FREM3: variants seen among roughly 807,000 people sequenced by gnomAD.
The protein encoded by FREM3 is FRAS1 related extracellular matrix 3.
A neutral mutation model predicts 129.1 loss-of-function variants in FREM3; 105 were observed. That is an observed-to-expected ratio of 0.81 (90% CI 0.69 to 0.96). The LOEUF (loss-of-function observed/expected upper bound fraction) is 0.96, where lower values mean the gene tolerates loss of function less well. Ranked by LOEUF, FREM3 falls within the 40% of genes least tolerant of loss-of-function variation. FREM3 has a pLI of 0.00. For synonymous variants in FREM3, 1,014 were observed against 1,044.9 expected (o/e 0.97, Z 0.57); for missense variants, 2,593 against 2,666.3 (o/e 0.97, Z 0.61).
chr4:143,628,082 C>G (rs1739075889), intron 2 of FREM3, among the ~76,000 whole-genome samples: 1 of 152,036 alleles, frequency 6.6e-6, no homozygotes. Context: ...CTATCGTTTC[C>G]TCCCTGCCTG....
chr4:143,692,748 G>T (rs2149862863), intron 2 of FREM3, among the ~76,000 whole-genome samples: 1 of 152,262 alleles, frequency 6.6e-6, no homozygotes, highest in South Asian at 2.1e-4. Flanking sequence ...AAAATCTGAA[G>T]ATGTATTTTC....
intron 2 of FREM3, among the ~76,000 whole-genome samples, chr4:143,653,670 A>G (rs1261278241): frequency 6.6e-6 from 1 of 152,224 alleles, no homozygotes; most frequent in Non-Finnish European, 1.5e-5. Flanking sequence ...AGAAGTGTAC[A>G]TGGGGCTTAT....
intron 2 of FREM3, among the ~76,000 whole-genome samples, chr4:143,670,643 A>G (rs190844457): frequency 6.6e-5 from 10 of 152,302 alleles, no homozygotes; most frequent in Admixed American, 6.5e-4. Flanking sequence ...ATGAAAGGCA[A>G]GAAATACACA....
Position 143,652,413 on chromosome 4 carries a change from C to T in FREM3, c.5276-24653G>A, listed in dbSNP as rs1473484043. 5.0e-5 allele frequency among the ~76,000 whole-genome samples: 2 copies of T among 39,904 alleles called. 1 individual carries two copies. The highest frequency in any genetic ancestry group is 1.6e-4 in the Non-Finnish European group (2 of 12,762). 26.2% of individuals were successfully genotyped at this position (39,904 alleles called of 152,430 possible). ...TCCTGACCTCATGATCCACCCGCCT[C>T]GGCCTCCCAAAGTGCTGGGATTACA... On this transcript the variant is annotated intron_variant, in intron 2 of 7. Transcript: ENST00000329798.
intron 6 of FREM3, among the ~76,000 whole-genome samples, chr4:143,594,154 T>C (rs1578826304): frequency 1.3e-5 from 2 of 152,204 alleles, no homozygotes; most frequent in Non-Finnish European, 2.9e-5. Context: ...GGAAAGGGAA[T>C]TCCCTGATCT....
intron 6 of FREM3, among the ~76,000 whole-genome samples, chr4:143,601,021 C>G (rs1224928887): frequency 1.4e-5 from 2 of 147,380 alleles, no homozygotes; most frequent in Admixed American, 6.8e-5. Flanking sequence ...CTTTCGTTAA[C>G]TTTAAACTAA....
chr4:143,625,656 A>G (rs1431536191), intron 3 of FREM3, among the ~76,000 whole-genome samples: 21 of 152,336 alleles, frequency 1.4e-4, no homozygotes, highest in East Asian at 5.8e-4. Flanking sequence ...TGGAGCTGCT[A>G]TAGGAATGAA....
At chr4:143,625,376 G>GC (rs933165590) in intron 3 of FREM3, among the ~76,000 whole-genome samples, 53 of 152,208 alleles carry the variant, frequency 3.5e-4, no homozygotes, top group Non-Finnish European at 6.8e-4. Flanking sequence ...AAGATTAATA[G>GC]CCCCCCCATG....
chr4:143,627,859 A>G, intron 2 of FREM3, 99 bp from the exon 3 acceptor site: 1 of 735,688 alleles, frequency 1.4e-6, no homozygotes, highest in Non-Finnish European at 2.2e-6. Flanking sequence ...AAGGGTTTCA[A>G]AACATACTCG....
intron 6 of FREM3, among the ~76,000 whole-genome samples, chr4:143,592,802 G>A (rs932484013): frequency 6.6e-6 from 1 of 152,188 alleles, no homozygotes; most frequent in Non-Finnish European, 1.5e-5. Flanking sequence ...CTAGATTGGG[G>A]AAGTTCTCCT....
intron 2 of FREM3, among the ~76,000 whole-genome samples, chr4:143,684,173 G>C (rs1740311914): frequency 6.6e-6 from 1 of 152,138 alleles, no homozygotes. Flanking sequence ...TCTCTGGAAA[G>C]TGTGACCTCC....
intron 6 of FREM3, among the ~76,000 whole-genome samples, chr4:143,590,314 C>G (rs528993259): frequency 6.6e-6 from 1 of 152,288 alleles, no homozygotes; most frequent in South Asian, 2.1e-4. Context: ...CTGTCTTGTG[C>G]CAGTTTTCAA....
intron 2 of FREM3, among the ~76,000 whole-genome samples, chr4:143,655,673 C>T (rs112556883): frequency 3.3e-5 from 5 of 152,214 alleles, no homozygotes; most frequent in African/African-American, 7.2e-5. Flanking sequence ...ATTTTGAATT[C>T]GTATCAAAAA....
At chr4:143,685,216 G>A (rs1431238503) in intron 2 of FREM3, among the ~76,000 whole-genome samples, 2 of 151,914 alleles carry the variant, frequency 1.3e-5, no homozygotes, top group Non-Finnish European at 2.9e-5. Flanking sequence ...TTATCCAAAG[G>A]TGAAGGAAAT....
chr4:143,660,674 C>G (rs1287369490), intron 2 of FREM3, among the ~76,000 whole-genome samples: 1 of 152,050 alleles, frequency 6.6e-6, no homozygotes, highest in Non-Finnish European at 1.5e-5. Context: ...TTACCTTGGG[C>G]AGTATGGCCA....
At chr4:143,678,619 T>G (rs911144424) in intron 2 of FREM3, among the ~76,000 whole-genome samples, 1 of 151,982 alleles carries the variant, frequency 6.6e-6, no homozygotes, top group Non-Finnish European at 1.5e-5. Flanking sequence ...TGCCAGAATG[T>G]TTTAGAGATT....
intron 2 of FREM3, among the ~76,000 whole-genome samples, chr4:143,662,891 A>T (rs1299051133): frequency 1.3e-5 from 2 of 151,914 alleles, no homozygotes; most frequent in African/African-American, 4.8e-5. Context: ...TTTTATCAGA[A>T]ACTAGGATTG....
At chr4:143,581,205 A>G (rs1424151211) in intron 7 of FREM3, among the ~76,000 whole-genome samples, 4 of 152,146 alleles carry the variant, frequency 2.6e-5, no homozygotes, top group East Asian at 3.9e-4. Context: ...TTGATCTGGG[A>G]ACCCAGCACA....
chr4:143,639,115 C>T (rs1469723651), intron 2 of FREM3, among the ~76,000 whole-genome samples: 1 of 152,078 alleles, frequency 6.6e-6, no homozygotes, highest in Non-Finnish European at 1.5e-5. Context: ...ACAGAATTTT[C>T]CTAAACCTAA....
Sources: allele counts gnomAD v4.1 joint callset (sites outside exome capture counted in the v4.1 genomes callset), GRCh38; gene constraint gnomAD v4.1.1; transcripts MANE v1.5; gene names NCBI Gene and HGNC (gene_info 2026-07-23, HGNC 2026-07-21).